The following EFCAB11 variants were observed in gnomAD, a reference collection of about 807,000 sequenced individuals.
The protein encoded by EFCAB11 is EF-hand calcium-binding domain-containing protein 11.
A neutral mutation model predicts 23.0 loss-of-function variants in EFCAB11; 14 were observed. The observed-to-expected ratio is 0.61, with a 90% CI of 0.40 to 0.95. The LOEUF (loss-of-function observed/expected upper bound fraction) is 0.95, where lower values mean the gene tolerates loss of function less well. Ranked by LOEUF, EFCAB11 falls within the 40% of genes least tolerant of loss-of-function variation. The pLI is 0.00. For missense variants in EFCAB11, 198 were observed against 195.8 expected (o/e 1.01, Z -0.07); for synonymous variants, 65 against 66.6 (o/e 0.98, Z 0.11).
chr14:89,840,730 A>T (rs1286129606), intron 5 of EFCAB11, among the ~76,000 whole-genome samples: 2 of 152,238 alleles, frequency 1.3e-5, no homozygotes, highest in Non-Finnish European at 2.9e-5. Context: ...ATTTTTCTAC[A>T]TAGGGATCTC....
intron 5 of EFCAB11, among the ~76,000 whole-genome samples, chr14:89,919,759 G>A (rs537889735): frequency 1.6e-4 from 25 of 152,236 alleles, no homozygotes; most frequent in African/African-American, 5.3e-4. Flanking sequence ...TAGCTTCAAG[G>A]GCTGGGGTAG....
At chr14:89,916,388 G>A (rs117905774) in intron 5 of EFCAB11, among the ~76,000 whole-genome samples, 1 of 152,302 alleles carries the variant, frequency 6.6e-6, no homozygotes, top group Non-Finnish European at 1.5e-5. Flanking sequence ...GCAGGGTTTG[G>A]TTAAAAGCCA....
intron 5 of EFCAB11, among the ~76,000 whole-genome samples, chr14:89,800,233 G>A (rs1885731768): frequency 6.6e-6 from 1 of 151,770 alleles, no homozygotes; most frequent in Non-Finnish European, 1.5e-5. Flanking sequence ...ACGCACGCCT[G>A]AGAAACACCT....
At chr14:89,943,616 T>C (rs1448945532) in intron 3 of EFCAB11, among the ~76,000 whole-genome samples, 1 of 152,202 alleles carries the variant, frequency 6.6e-6, no homozygotes, top group East Asian at 1.9e-4. Flanking sequence ...TCTGCACATG[T>C]GCTCTCTTCC....
chr14:89,835,904 A>G (rs1887064722), intron 5 of EFCAB11, among the ~76,000 whole-genome samples: 1 of 152,262 alleles, frequency 6.6e-6, no homozygotes, highest in East Asian at 1.9e-4. Context: ...TTGGGATTAC[A>G]GGCGTGAGCC....
Position 89,808,209 on chromosome 14 carries a change from C to T in EFCAB11, c.411-10885G>A, listed in dbSNP as rs199521112. Among the ~76,000 whole-genome samples, 29 of 152,232 alleles carry T rather than the reference C, an allele frequency of 1.9e-4. No individual in the cohort carries two copies. The East Asian group carries it at 2.3e-3, about 12-fold the overall frequency. ...TGTTAATAATATAATGATATAGGAA[C>T]GAAGACTAGCCATTGCTCCATCTAA... is the stretch of plus-strand genomic sequence containing the variant. On this transcript the variant is annotated intron_variant, in intron 5 of 5. Coordinates refer to ENST00000316738, the MANE Select transcript of EFCAB11 (RefSeq NM_145231.4).
chr14:89,810,412 G>A (rs1294890499), intron 5 of EFCAB11, among the ~76,000 whole-genome samples: 1 of 152,152 alleles, frequency 6.6e-6, no homozygotes, highest in Admixed American at 6.5e-5. Flanking sequence ...ATGGCCATAT[G>A]CAATTTTATC....
At chr14:89,836,473 G>T (rs1205125634) in intron 5 of EFCAB11, 6 of 440,582 alleles carry the variant, frequency 1.4e-5, no homozygotes, top group African/African-American at 1.0e-4. Context: ...TGTTTGAAGG[G>T]GATGTGGATT....
chr14:89,836,887 C>T lies in EFCAB11; in HGVS notation c.411-39563G>A, dbSNP rs986742955. On this transcript the variant is annotated intron_variant, in intron 5 of 5. Coordinates refer to ENST00000316738, the MANE Select transcript of EFCAB11 (RefSeq NM_145231.4). ...TTAAAAAATTAGGCGGCTGTGATGG[C>T]GCACGTCTATAATCCCATCTACTTG... The T allele has an allele frequency of 9.0e-5, 34 of 379,414 alleles. No individual in the cohort carries two copies. In the East Asian group the frequency reaches 1.6e-3, roughly 18 times the overall value. The allele number at this position is 379,414 out of a possible 1,614,324, so 23.5% of individuals were successfully genotyped here. A position where few individuals can be genotyped will look rare whatever the true frequency, so the allele number is the denominator to read the frequency against.
chr14:89,914,084 A>T (rs904439643), intron 5 of EFCAB11, among the ~76,000 whole-genome samples: 1 of 152,220 alleles, frequency 6.6e-6, no homozygotes, highest in Non-Finnish European at 1.5e-5. Context: ...AATCTTAAAC[A>T]TTTAGGCAGA....
chr14:89,826,196 A>G (rs1309803972), intron 5 of EFCAB11, among the ~76,000 whole-genome samples: 1 of 152,190 alleles, frequency 6.6e-6, no homozygotes, highest in East Asian at 1.9e-4. Flanking sequence ...ATATATATAT[A>G]TAGTGGCAAG....
chr14:89,857,653 T>C (rs1370763590), intron 5 of EFCAB11, among the ~76,000 whole-genome samples: 1 of 152,196 alleles, frequency 6.6e-6, no homozygotes, highest in Non-Finnish European at 1.5e-5. Context: ...CCTCTAATCC[T>C]AGGTGAATGC....
At position 89,885,390 on chromosome 14, in the gene EFCAB11, AC is replaced by A. The variant is rs1203545590; in HGVS notation, c.410+46150del. On this transcript the variant is annotated intron_variant, in intron 5 of 5. Transcript: ENST00000316738. ...AGATTCAATATAAATTCAATTAAAAACCCAGCCAGCGGGCGTGGTGGCTCAA... is the reference window on the plus strand; with the variant it reads ...AGATTCAATATAAATTCAATTAAAAACCAGCCAGCGGGCGTGGTGGCTCAA... Among the ~76,000 whole-genome samples, 5 of 152,066 alleles carry A rather than the reference AC, an allele frequency of 3.3e-5. No individual in the cohort carries two copies. In the South Asian group the frequency reaches 1.0e-3, roughly 32 times the overall value.
At chr14:89,883,864 A>G (rs1286948) in intron 5 of EFCAB11, among the ~76,000 whole-genome samples, 131,833 of 152,234 alleles carry the variant, frequency 0.87, 57,292 homozygotes, top group Non-Finnish European at 0.9. Context: ...ACAGTGGCTT[A>G]CATCTGTAAT....
chr14:89,889,932 C>A (rs1888908565), intron 5 of EFCAB11, among the ~76,000 whole-genome samples: 2 of 152,236 alleles, frequency 1.3e-5, no homozygotes, highest in Non-Finnish European at 1.5e-5. Flanking sequence ...GCATTGAATC[C>A]TTTCACTGTA....
chr14:89,808,414 AT>A (rs756023178), intron 5 of EFCAB11, among the ~76,000 whole-genome samples: 50 of 151,658 alleles, frequency 3.3e-4, no homozygotes, highest in African/African-American at 1.0e-3. Context: ...GTGAAGATAG[AT>A]TTTTTTTTCC....
At chr14:89,908,135 G>C (rs979558655) in intron 5 of EFCAB11, among the ~76,000 whole-genome samples, 1 of 152,160 alleles carries the variant, frequency 6.6e-6, no homozygotes, top group Non-Finnish European at 1.5e-5. Context: ...ATACCCATTT[G>C]TCTGTTGTCA....
intron 5 of EFCAB11, among the ~76,000 whole-genome samples, chr14:89,883,990 A>G (rs1362521146): frequency 6.6e-6 from 1 of 152,166 alleles, no homozygotes. Flanking sequence ...AGCTGGGCAT[A>G]GTAGCACATG....
intron 5 of EFCAB11, among the ~76,000 whole-genome samples, chr14:89,885,811 A>C (rs1453358420): frequency 2.0e-5 from 3 of 150,624 alleles, no homozygotes; most frequent in African/African-American, 7.4e-5. Flanking sequence ...AGCAACTAAA[A>C]GAAAGAAAGA....
Sources: allele counts gnomAD v4.1 joint callset (sites outside exome capture counted in the v4.1 genomes callset), GRCh38; gene constraint gnomAD v4.1.1; transcripts MANE v1.5; gene names NCBI Gene and HGNC (gene_info 2026-07-23, HGNC 2026-07-21).